GPC6: variants seen among roughly 807,000 people sequenced by gnomAD.
GPC6 encodes glypican 6.
GPC6 carries 14 observed loss-of-function variants against 55.2 expected under a neutral mutation model. The observed-to-expected ratio is 0.25, with a 90% CI of 0.17 to 0.40. The LOEUF is 0.40. Among genes scored for constraint, GPC6 ranks in the 10% least tolerant of loss-of-function variants. GPC6 has a pLI of 1.00. For missense variants in GPC6, 641 were observed against 708.5 expected, an observed-to-expected ratio of 0.90 and a Z score of 1.08; for synonymous variants, 278 against 259.6, an observed-to-expected ratio of 1.07 and a Z score of -0.68.
At chr13:93,929,309 A>G (rs908417474) in intron 3 of GPC6, among the ~76,000 whole-genome samples, 7 of 152,154 alleles carry the variant, frequency 4.6e-5, no homozygotes, top group African/African-American at 1.7e-4. Flanking sequence ...AGTGGTATTT[A>G]TCTTCCACCT....
intron 4 of GPC6, among the ~76,000 whole-genome samples, chr13:94,123,940 G>A (rs774262163): frequency 6.6e-6 from 1 of 152,038 alleles, no homozygotes; most frequent in Non-Finnish European, 1.5e-5. Context: ...CTTTCTGGGA[G>A]CAGATGTGCT....
intron 4 of GPC6, among the ~76,000 whole-genome samples, chr13:94,180,878 CAGAGAG>C (rs71272207): frequency 1.3e-5 from 2 of 149,560 alleles, no homozygotes; most frequent in Non-Finnish European, 3.0e-5. Flanking sequence ...GAGACACACA[CAGAGAG>C]AGAGAGAGAG....
chr13:93,792,825 G>C (rs1886087378), intron 2 of GPC6, among the ~76,000 whole-genome samples: 1 of 152,172 alleles, frequency 6.6e-6, no homozygotes, highest in Non-Finnish European at 1.5e-5. Flanking sequence ...GTAGAGGTGA[G>C]CTTCTCAGGA....
At chr13:93,806,399 G>A (rs540068499) in intron 2 of GPC6, among the ~76,000 whole-genome samples, 19 of 152,208 alleles carry the variant, frequency 1.2e-4, no homozygotes, top group Non-Finnish European at 2.5e-4. Context: ...GGGCAATGGC[G>A]CAGTCGCGGC....
At chr13:93,573,656 A>G (rs939998149) in intron 2 of GPC6, among the ~76,000 whole-genome samples, 1 of 152,162 alleles carries the variant, frequency 6.6e-6, no homozygotes, top group Non-Finnish European at 1.5e-5. Flanking sequence ...TGAGCAATCG[A>G]GACCTAGTTC....
intron 2 of GPC6, among the ~76,000 whole-genome samples, chr13:93,673,556 G>A (rs1413733022): frequency 6.6e-6 from 1 of 152,004 alleles, no homozygotes; most frequent in African/African-American, 2.4e-5. Context: ...ATTATATAAC[G>A]TTGCCTTGCC....
At chr13:93,980,119 A>G (rs1247885418) in intron 3 of GPC6, among the ~76,000 whole-genome samples, 1 of 152,134 alleles carries the variant, frequency 6.6e-6, no homozygotes, top group Non-Finnish European at 1.5e-5. Flanking sequence ...GAATATTACT[A>G]CAACACTTCC....
At chr13:93,536,230 T>A (rs1882056669) in intron 1 of GPC6, among the ~76,000 whole-genome samples, 1 of 152,186 alleles carries the variant, frequency 6.6e-6, no homozygotes, top group African/African-American at 2.4e-5. Flanking sequence ...TAAAAATTGG[T>A]AAAATATATA....
chr13:93,501,884 T>C (rs1194065495), intron 1 of GPC6, among the ~76,000 whole-genome samples: 1 of 152,160 alleles, frequency 6.6e-6, no homozygotes, highest in African/African-American at 2.4e-5. Flanking sequence ...AATTCTTTTT[T>C]ACAGTTTTCA....
chr13:93,929,189 G>C (rs535142048), intron 3 of GPC6, among the ~76,000 whole-genome samples: 1 of 152,178 alleles, frequency 6.6e-6, no homozygotes, highest in Non-Finnish European at 1.5e-5. Flanking sequence ...AAGCCAGAAA[G>C]TCAGCCTCTC....
At chr13:93,375,891 G>A (rs564375974) in intron 1 of GPC6, among the ~76,000 whole-genome samples, 1 of 152,278 alleles carries the variant, frequency 6.6e-6, no homozygotes, top group South Asian at 2.1e-4. Flanking sequence ...TATAACGGAG[G>A]AACCTCAGGA....
chr13:94,088,796 G>T lies in GPC6; in HGVS notation c.877+60902G>T, dbSNP rs920314012. Among the ~76,000 whole-genome samples the T allele has an allele frequency of 2.6e-5, 4 of 151,950 alleles. No homozygotes were observed. The South Asian group carries it at 8.3e-4, about 32-fold the overall frequency. On this transcript the variant is annotated intron_variant, in intron 4 of 8. Coordinates refer to ENST00000377047, the MANE Select transcript of GPC6 (RefSeq NM_005708.5). Reference sequence around the variant, plus strand: ...CAGGATGTTGGAAAATAAAATCTGGGGACAAAAATCCAGAAAGCTCTACTC... The same window carrying T: ...CAGGATGTTGGAAAATAAAATCTGGTGACAAAAATCCAGAAAGCTCTACTC...
intron 3 of GPC6, among the ~76,000 whole-genome samples, chr13:93,872,014 G>C (rs1462832021): frequency 6.6e-6 from 1 of 151,944 alleles, no homozygotes; most frequent in Admixed American, 6.6e-5. Context: ...CAGACTGATT[G>C]CTAATTTATA....
chr13:93,750,313 A>C (rs989797140), intron 2 of GPC6, among the ~76,000 whole-genome samples: 3 of 152,200 alleles, frequency 2.0e-5, no homozygotes, highest in Non-Finnish European at 4.4e-5. Context: ...ACTAGAATAC[A>C]AGGAGCTACT....
chr13:93,993,555 C>T (rs1881408136), intron 3 of GPC6, among the ~76,000 whole-genome samples: 1 of 152,034 alleles, frequency 6.6e-6, no homozygotes, highest in African/African-American at 2.4e-5. Context: ...CTCAGCCTCC[C>T]AAAGTGCTGA....
intron 2 of GPC6, among the ~76,000 whole-genome samples, chr13:93,812,093 G>A (rs923175272): frequency 8.1e-5 from 12 of 147,354 alleles, no homozygotes; most frequent in Non-Finnish European, 1.6e-4. Context: ...TCTGGGCTGG[G>A]TACGTTGGCT....
chr13:93,994,754 A>G (rs1226142061), intron 3 of GPC6, among the ~76,000 whole-genome samples: 1 of 152,088 alleles, frequency 6.6e-6, no homozygotes, highest in Admixed American at 6.6e-5. Context: ...TGTTTCCCTA[A>G]TCTGTGCTAC....
intron 4 of GPC6, among the ~76,000 whole-genome samples, chr13:94,028,526 A>T (rs1458274846): frequency 6.6e-6 from 1 of 151,374 alleles, no homozygotes; most frequent in Non-Finnish European, 1.5e-5. Context: ...AAAAAAGTCC[A>T]CTGTACTATT....
chr13:94,069,019 G>T (rs1199722077), intron 4 of GPC6, among the ~76,000 whole-genome samples: 1 of 152,168 alleles, frequency 6.6e-6, no homozygotes, highest in Non-Finnish European at 1.5e-5. Flanking sequence ...CTCTGTGTGG[G>T]GGCTCCAAAC....
Sources: gnomAD v4.1 joint callset for allele counts (sites outside exome capture counted in the v4.1 genomes callset) on GRCh38, gnomAD v4.1.1 for gene constraint, MANE v1.5 for transcripts, NCBI Gene and HGNC (gene_info 2026-07-23, HGNC 2026-07-21) for gene names.